MAGI1: variants seen among roughly 807,000 people sequenced by gnomAD.
The protein encoded by MAGI1 is membrane-associated guanylate kinase, WW and PDZ domain-containing protein 1.
Under a neutral mutation model 139.9 loss-of-function variants are expected in MAGI1, and 58 were observed. The ratio of observed to expected loss-of-function variants is 0.41; its 90% CI spans 0.34 to 0.52. The LOEUF is 0.52. Among genes scored for constraint, MAGI1 ranks in the 20% least tolerant of loss-of-function variants. MAGI1 has a pLI of 0.12. For missense variants in MAGI1, 1,874 were observed against 1,901.6 expected, an observed-to-expected ratio of 0.99 and a Z score of 0.27; for synonymous variants, 812 against 737.9, an observed-to-expected ratio of 1.10 and a Z score of -1.63.
At chr3:65,726,941 A>G (rs1253780455) in intron 1 of MAGI1, among the ~76,000 whole-genome samples, 1 of 150,470 alleles carries the variant, frequency 6.6e-6, no homozygotes, top group African/African-American at 2.5e-5. Context: ...CTGAAATCCA[A>G]TATGCTCCAA....
At chr3:65,915,254 G>A (rs912042345) in intron 1 of MAGI1, among the ~76,000 whole-genome samples, 4 of 152,172 alleles carry the variant, frequency 2.6e-5, no homozygotes, top group African/African-American at 9.7e-5. Flanking sequence ...GTTCACATTT[G>A]AACAGCAGCT....
At chr3:65,957,528 A>G (rs2064189472) in intron 1 of MAGI1, among the ~76,000 whole-genome samples, 2 of 134,206 alleles carry the variant, frequency 1.5e-5, no homozygotes, top group Admixed American at 7.3e-5. Context: ...CTCAAAAAAA[A>G]AAAAAAGAAA....
At chr3:65,968,077 G>A (rs2064845377) in intron 1 of MAGI1, among the ~76,000 whole-genome samples, 1 of 152,152 alleles carries the variant, frequency 6.6e-6, no homozygotes, top group African/African-American at 2.4e-5. Context: ...AGGTCTAAGG[G>A]AAGCAAGTAA....
chr3:65,661,539 T>C (rs529816302), intron 1 of MAGI1, among the ~76,000 whole-genome samples: 27 of 152,282 alleles, frequency 1.8e-4, no homozygotes, highest in African/African-American at 5.8e-4. Context: ...ATTGGAATCC[T>C]GGCTTTGCTT....
intron 18 of MAGI1, among the ~76,000 whole-genome samples, chr3:65,373,733 T>TA (rs1942221023): frequency 1.3e-5 from 2 of 152,206 alleles, no homozygotes. Flanking sequence ...TCCTAAATTG[T>TA]AACAGCTTTC....
intron 2 of MAGI1, among the ~76,000 whole-genome samples, chr3:65,537,242 C>A (rs551942564): frequency 6.6e-6 from 1 of 152,108 alleles, no homozygotes; most frequent in South Asian, 2.1e-4. Context: ...AAGCTATTAC[C>A]TCTCCCTATG....
chr3:65,459,538 G>C (rs1949635166), intron 5 of MAGI1, among the ~76,000 whole-genome samples: 1 of 152,106 alleles, frequency 6.6e-6, no homozygotes, highest in African/African-American at 2.4e-5. Flanking sequence ...TTTCTACTAA[G>C]ATAACCATAT....
At chr3:65,616,943 C>T (rs917724548) in intron 2 of MAGI1, among the ~76,000 whole-genome samples, 2 of 152,186 alleles carry the variant, frequency 1.3e-5, no homozygotes, top group East Asian at 3.8e-4. Context: ...ATCCTGGAAA[C>T]AACTATGTTT....
intron 2 of MAGI1, among the ~76,000 whole-genome samples, chr3:65,576,091 G>C (rs1206104877): frequency 1.3e-5 from 2 of 152,160 alleles, no homozygotes; most frequent in Admixed American, 1.3e-4. Flanking sequence ...GATGTTTTTA[G>C]AGTCATTAGA....
chr3:65,560,716 A>G (rs1042150145), intron 2 of MAGI1, among the ~76,000 whole-genome samples: 1 of 152,206 alleles, frequency 6.6e-6, no homozygotes, highest in Admixed American at 6.5e-5. Flanking sequence ...CATCTGGTAC[A>G]AAGTCACAAT....
intron 1 of MAGI1, among the ~76,000 whole-genome samples, chr3:65,661,530 T>C (rs769307276): frequency 6.6e-6 from 1 of 152,144 alleles, no homozygotes; most frequent in African/African-American, 2.4e-5. Context: ...GATGTTTGCA[T>C]TGGAATCCTG....
intron 1 of MAGI1, among the ~76,000 whole-genome samples, chr3:66,004,095 T>C (rs185201309): frequency 6.6e-6 from 1 of 152,260 alleles, no homozygotes; most frequent in African/African-American, 2.4e-5. Context: ...CCAAAACAGA[T>C]GTGGGGAAAA....
At chr3:65,560,218 T>G (rs2080280656) in intron 2 of MAGI1, among the ~76,000 whole-genome samples, 3 of 152,240 alleles carry the variant, frequency 2.0e-5, no homozygotes, top group Admixed American at 1.3e-4. Context: ...TCTATCACTT[T>G]AGTGAAAGTA....
chr3:65,403,190 A>G (rs776033217), intron 12 of MAGI1, among the ~76,000 whole-genome samples: 3 of 152,114 alleles, frequency 2.0e-5, no homozygotes, highest in Non-Finnish European at 2.9e-5. Context: ...AACAAGAGAA[A>G]ATGTTTAAAA....
At chr3:65,395,880 C>T (rs1944355362) in intron 13 of MAGI1, among the ~76,000 whole-genome samples, 1 of 151,816 alleles carries the variant, frequency 6.6e-6, no homozygotes, top group East Asian at 1.9e-4. Flanking sequence ...GGTGTCGCTA[C>T]TGGGTGGTGA....
At position 65,429,593 on chromosome 3, in the gene MAGI1, A is replaced by G. The variant is rs764843699; in HGVS notation, c.2094T>C (p.Thr698=). The G allele has an allele frequency of 6.2e-7, 1 of 1,613,868 alleles. No individual in the cohort carries two copies. Among genetic ancestry groups the G allele is most frequent in the South Asian group, 1.1e-5 (1 of 91,072 alleles). ...CCAGCATATCCACCACTTGGTTGTG[A>G]GTTAGGGCCTGCACGTTCTTCTTAT... ...EVNKKNVQAL[T]HNQVVDMLVE... is the part of the protein sequence containing the mutation. Residue 698 remains threonine (T), a synonymous_variant, in exon 12 of 23, where the codon ACT becomes ACC. Transcript: ENST00000402939.
Position 65,805,853 on chromosome 3 carries a change from C to T in MAGI1, c.314-183765G>A, listed in dbSNP as rs140587221. Among the ~76,000 whole-genome samples, 419 of 152,192 alleles carry T rather than the reference C, an allele frequency of 2.8e-3. 2 individuals are homozygous for T. Among genetic ancestry groups the T allele is most frequent in the Non-Finnish European group, 3.8e-3 (258 of 68,010 alleles). The stretch of plus-strand genomic sequence containing the variant: ...AACACAGGAACAGAAAACTAAACAC[C>T]GCATGTTCTCACTCATAATTGGGAG... On this transcript the variant is annotated intron_variant, in intron 1 of 22. Transcript: ENST00000402939.
chr3:65,543,822 A>G (rs1260139449), intron 2 of MAGI1, among the ~76,000 whole-genome samples: 1 of 152,156 alleles, frequency 6.6e-6, no homozygotes, highest in East Asian at 1.9e-4. Flanking sequence ...TGATGGGTGC[A>G]GCAAACCACC....
chr3:65,482,029 A>T (rs1467765371), intron 3 of MAGI1, among the ~76,000 whole-genome samples: 1 of 152,230 alleles, frequency 6.6e-6, no homozygotes, highest in African/African-American at 2.4e-5. Flanking sequence ...GTTGTAGAAG[A>T]TATAAACTGT....
Sources: gnomAD v4.1 joint callset for allele counts (sites outside exome capture counted in the v4.1 genomes callset) on GRCh38, gnomAD v4.1.1 for gene constraint, MANE v1.5 for transcripts, NCBI Gene and HGNC (gene_info 2026-07-23, HGNC 2026-07-21) for gene names.